The following PPP2R2B variants were observed in gnomAD, a reference collection of about 807,000 sequenced individuals.
PPP2R2B encodes the protein protein phosphatase 2 regulatory subunit Bbeta.
A neutral mutation model predicts 46.0 loss-of-function variants in PPP2R2B; 5 were observed. That is an observed-to-expected ratio of 0.11 (90% CI 0.06 to 0.23). The LOEUF (loss-of-function observed/expected upper bound fraction) is 0.23, where lower values mean the gene tolerates loss of function less well. PPP2R2B is among the 10% of genes least tolerant of loss of function. The probability of loss-of-function intolerance (pLI) is 1.00; values close to 1 mark genes in which losing one functional copy is unlikely to be tolerated. For synonymous variants in PPP2R2B, 215 were observed against 206.7 expected (o/e 1.04, Z -0.34); for missense variants, 367 against 575.0 (o/e 0.64, Z 3.70).
intron 1 of PPP2R2B, among the ~76,000 whole-genome samples, chr5:147,020,931 T>C (rs1755231114): frequency 6.6e-6 from 1 of 152,198 alleles, no homozygotes; most frequent in Non-Finnish European, 1.5e-5. Flanking sequence ...AGGTCTATTA[T>C]GATATTCTAT....
At chr5:146,960,996 AT>A (rs1244230815) in intron 1 of PPP2R2B, among the ~76,000 whole-genome samples, 1 of 152,186 alleles carries the variant, frequency 6.6e-6, no homozygotes, top group Non-Finnish European at 1.5e-5. Context: ...CAGGCTTAAC[AT>A]TTTTGTACAA....
chr5:146,593,711 G>T (rs1200133916), intron 8 of PPP2R2B, among the ~76,000 whole-genome samples: 1 of 152,176 alleles, frequency 6.6e-6, no homozygotes, highest in Non-Finnish European at 1.5e-5. Context: ...CCAAGCATAG[G>T]AAACAGCAAA....
chr5:146,769,153 C>T lies in PPP2R2B; in HGVS notation c.71-68011G>A, dbSNP rs535078083. ...ACAGCCTCCCAAAGTGCTGGGATTA[C>T]AGGCCAGGCAAAGCTTTTGTAACCA... On this transcript the variant is annotated intron_variant, in intron 2 of 9. Coordinates refer to ENST00000394411, the MANE Select transcript of PPP2R2B (RefSeq NM_181675.4). 1.4e-4 allele frequency among the ~76,000 whole-genome samples: 21 copies of T among 152,310 alleles called. 1 individual carries two copies. In the South Asian group the frequency reaches 4.4e-3, roughly 32 times the overall value.
At chr5:146,809,797 A>T (rs1334858091) in intron 2 of PPP2R2B, among the ~76,000 whole-genome samples, 1 of 152,194 alleles carries the variant, frequency 6.6e-6, no homozygotes, top group Non-Finnish European at 1.5e-5. Context: ...CTAAAGTGTG[A>T]AGAATGGATT....
At chr5:146,685,925 G>T (rs1778473799) in intron 5 of PPP2R2B, among the ~76,000 whole-genome samples, 2 of 152,042 alleles carry the variant, frequency 1.3e-5, no homozygotes, top group Admixed American at 1.3e-4. Context: ...TGTTAAGAGA[G>T]CTTTGATAAA....
chr5:146,720,844 C>T (rs190023437), intron 2 of PPP2R2B, among the ~76,000 whole-genome samples: 18 of 152,220 alleles, frequency 1.2e-4, no homozygotes, highest in African/African-American at 3.4e-4. Flanking sequence ...ACTCTCTTTC[C>T]AAATTTATCT....
chr5:146,883,018 G>A (rs990616898), upstream of PPP2R2B, among the ~76,000 whole-genome samples: 2 of 152,022 alleles, frequency 1.3e-5, no homozygotes, highest in Non-Finnish European at 2.9e-5. Flanking sequence ...TTCCTACACA[G>A]GAAACTTTTG....
intron 1 of PPP2R2B, among the ~76,000 whole-genome samples, chr5:147,052,584 G>A (rs939693983): frequency 6.6e-6 from 1 of 152,154 alleles, no homozygotes. Flanking sequence ...AAGGCAATGG[G>A]GCAGAAGGAA....
intron 2 of PPP2R2B, among the ~76,000 whole-genome samples, chr5:146,708,407 ATGTGTGTGTGTGTGTGTGTGTGTG>A (rs148698250): frequency 1.4e-5 from 2 of 138,640 alleles, no homozygotes; most frequent in Non-Finnish European, 3.0e-5. Context: ...GTGTGTGTGT[ATGTGTGTGTGTGTGTGTGTGTGTG>A]TGTGTGTGTA....
Position 146,911,244 on chromosome 5 carries a change from C to T in PPP2R2B, c.79+144421G>A, listed in dbSNP as rs189268423. Among the ~76,000 whole-genome samples, 547 of 152,158 alleles carry T rather than the reference C, an allele frequency of 3.6e-3. 6 individuals carry two copies. Among genetic ancestry groups the T allele is most frequent in the African/African-American group, 0.013 (523 of 41,512 alleles). On this transcript the variant is annotated intron_variant, in intron 1 of 8. Coordinates refer to the PPP2R2B transcript ENST00000336640. Reference sequence around the variant, plus strand: ...GACAACAGGTGCACACCACCATGTCCGGCTAATTTTTGTATTTTTAGTAGA... The same window carrying T: ...GACAACAGGTGCACACCACCATGTCTGGCTAATTTTTGTATTTTTAGTAGA...
At chr5:146,748,776 C>T (rs1003918966) in intron 2 of PPP2R2B, among the ~76,000 whole-genome samples, 1 of 152,162 alleles carries the variant, frequency 6.6e-6, no homozygotes, top group Non-Finnish European at 1.5e-5. Context: ...GTGCTGTTCA[C>T]ACATCTAAGA....
chr5:147,078,830 G>C (rs1757880653), intron 2 of PPP2R2B, among the ~76,000 whole-genome samples: 1 of 146,238 alleles, frequency 6.8e-6, no homozygotes, highest in Non-Finnish European at 1.5e-5. Flanking sequence ...AAAAAAAATT[G>C]TATCACCCTG....
At chr5:146,838,970 A>C (rs1368391356) in intron 2 of PPP2R2B, among the ~76,000 whole-genome samples, 1 of 152,142 alleles carries the variant, frequency 6.6e-6, no homozygotes, top group Non-Finnish European at 1.5e-5. Flanking sequence ...CCCTGTGAGA[A>C]AACCATCTCC....
chr5:146,929,455 A>G (rs571986362), intron 1 of PPP2R2B, among the ~76,000 whole-genome samples: 1 of 152,304 alleles, frequency 6.6e-6, no homozygotes, highest in African/African-American at 2.4e-5. Context: ...CACTTTCCAA[A>G]GAAATGTCAG....
intron 1 of PPP2R2B, among the ~76,000 whole-genome samples, chr5:146,937,679 A>G (rs1243026185): frequency 6.6e-6 from 1 of 152,030 alleles, no homozygotes; most frequent in Non-Finnish European, 1.5e-5. Flanking sequence ...CCGCAGTTAC[A>G]CCTTCACGGA....
At chr5:146,691,897 T>A (rs1308038791) in intron 4 of PPP2R2B, among the ~76,000 whole-genome samples, 1 of 152,200 alleles carries the variant, frequency 6.6e-6, no homozygotes, top group Non-Finnish European at 1.5e-5. Context: ...GCTCCTTTAC[T>A]TTCCTCTTGC....
chr5:146,909,593 G>A (rs1763112733), intron 1 of PPP2R2B, among the ~76,000 whole-genome samples: 2 of 152,180 alleles, frequency 1.3e-5, no homozygotes, highest in African/African-American at 4.8e-5. Flanking sequence ...CCTAATAATG[G>A]AAGGCATTCA....
intron 1 of PPP2R2B, among the ~76,000 whole-genome samples, chr5:146,930,075 G>C (rs892929859): frequency 6.6e-6 from 1 of 152,182 alleles, no homozygotes; most frequent in Non-Finnish European, 1.5e-5. Flanking sequence ...TAAACCAATA[G>C]ATGAACATTT....
At chr5:146,641,612 T>C (rs1363854380) in intron 6 of PPP2R2B, among the ~76,000 whole-genome samples, 4 of 151,706 alleles carry the variant, frequency 2.6e-5, no homozygotes, top group Non-Finnish European at 5.9e-5. Context: ...CTAGAAACAT[T>C]TGAGAGAAGT....
Sources: gnomAD v4.1 joint callset for allele counts (sites outside exome capture counted in the v4.1 genomes callset) on GRCh38, gnomAD v4.1.1 for gene constraint, MANE v1.5 for transcripts, NCBI Gene and HGNC (gene_info 2026-07-23, HGNC 2026-07-21) for gene names.